Variants in LRP8 observed in about 807,000 individuals in gnomAD.
The protein encoded by LRP8 is LDL receptor related protein 8.
In LRP8, 46 loss-of-function variants were observed where a neutral mutation model predicts 111.6. That is an observed-to-expected ratio of 0.41 (90% confidence interval 0.33 to 0.53). The LOEUF is 0.53. Ranked by LOEUF, LRP8 falls within the 20% of genes least tolerant of loss-of-function variation. The pLI is 0.20. For missense variants in LRP8, 959 were observed against 1,297.4 expected (o/e 0.74, Z 4.01); for synonymous variants, 464 against 511.2 (o/e 0.91, Z 1.24).
chr1:53,298,947 C>T (rs1022446717), intron 2 of LRP8, among the ~76,000 whole-genome samples: 2 of 152,262 alleles, frequency 1.3e-5, no homozygotes, highest in Admixed American at 6.5e-5. Context: ...GCCACCAACA[C>T]GCTGTGTGAC....
Position 53,280,718 on chromosome 1 carries a change from G to A in LRP8, c.368-3C>T. The A allele has an allele frequency of 6.2e-7, 1 of 1,611,022 alleles. No homozygotes were observed. Among genetic ancestry groups the A allele is most frequent in the African/African-American group, 1.3e-5 (1 of 75,054 alleles). Reference sequence around the variant, plus strand: ...CTCTGCAGGACACACCTGCTTGGCTGTGGAGACAGACGTCCATGCATAGCT... The same window carrying A: ...CTCTGCAGGACACACCTGCTTGGCTATGGAGACAGACGTCCATGCATAGCT... On this transcript the variant is annotated splice_polypyrimidine_tract_variant and splice_region_variant and intron_variant, in intron 3 of 18. Coordinates refer to ENST00000306052, the MANE Select transcript of LRP8 (RefSeq NM_004631.5).
intron 2 of LRP8, among the ~76,000 whole-genome samples, chr1:53,320,108 C>A (rs1004162031): frequency 5.9e-5 from 9 of 152,272 alleles, no homozygotes; most frequent in African/African-American, 2.2e-4. Flanking sequence ...GGAGGTCTTG[C>A]ATGAGAAAGC....
intron 2 of LRP8, among the ~76,000 whole-genome samples, chr1:53,315,900 AG>A: frequency 6.6e-6 from 1 of 152,162 alleles, no homozygotes; most frequent in Non-Finnish European, 1.5e-5. Flanking sequence ...CACAGAGGGG[AG>A]ACATCAGCAC....
chr1:53,265,173 A>G (rs1646504408), intron 9 of LRP8, among the ~76,000 whole-genome samples: 1 of 152,188 alleles, frequency 6.6e-6, no homozygotes, highest in Non-Finnish European at 1.5e-5. Context: ...GACACTCAGG[A>G]GGCAACATTA....
At chr1:53,309,608 T>A (rs1652629718) in intron 2 of LRP8, among the ~76,000 whole-genome samples, 1 of 152,156 alleles carries the variant, frequency 6.6e-6, no homozygotes, top group African/African-American at 2.4e-5. Context: ...GGCCATGCTG[T>A]GGACCAGTGT....
rs144686830 is a variant in LRP8 at position 53,302,183 on chromosome 1, G to A, written c.245-12494C>T. Among the ~76,000 whole-genome samples, 7 of 152,250 alleles carry A rather than the reference G, an allele frequency of 4.6e-5. No homozygotes were observed. In the East Asian group the frequency reaches 1.4e-3, roughly 29 times the overall value. On this transcript the variant is annotated intron_variant, in intron 2 of 18. Coordinates refer to ENST00000306052, the MANE Select transcript of LRP8 (RefSeq NM_004631.5). ...AGTAGGGGCTGAGGAAGCCTGCCCC[G>A]AGGAACTATGTTTGATCCAGAAGGA...
At chr1:53,287,714 G>GA (rs1476259107) in intron 3 of LRP8, among the ~76,000 whole-genome samples, 1 of 152,214 alleles carries the variant, frequency 6.6e-6, no homozygotes, top group African/African-American at 2.4e-5. Flanking sequence ...CCTCAACTGT[G>GA]AAAAGCGGGC....
intron 2 of LRP8, 125 bp downstream of exon 2, chr1:53,326,748 A>T: frequency 1.4e-6 from 2 of 1,428,116 alleles, no homozygotes; most frequent in Non-Finnish European, 1.8e-6. Context: ...TCCCGGTCGC[A>T]GGCTCCGGCG....
chr1:53,286,930 C>A (rs1257242215), intron 3 of LRP8, among the ~76,000 whole-genome samples: 1 of 152,232 alleles, frequency 6.6e-6, no homozygotes. Context: ...TCTCACAATC[C>A]CTCTAAGGCA....
Position 53,327,954 on chromosome 1 carries a change from C to T in LRP8, c.-42G>A, listed in dbSNP as rs1287310323. On this transcript the variant is annotated 5_prime_UTR_variant, in exon 1 of 19. Coordinates refer to ENST00000306052, the MANE Select transcript of LRP8 (RefSeq NM_004631.5). ...CGGCCGCCGCGCCCCGCGCTCCCCG[C>T]GCCGCCGCCGCCGCGTCTCAGCCCT... The T allele has an allele frequency of 3.3e-4, 345 of 1,042,818 alleles. No individual in the cohort carries two copies. The Middle Eastern group carries it at 5.2e-3, about 16-fold the overall frequency. 64.6% of individuals were successfully genotyped at this position (1,042,818 alleles called of 1,614,324 possible).
chr1:53,320,405 T>C (rs1654354177), intron 2 of LRP8, among the ~76,000 whole-genome samples: 1 of 152,082 alleles, frequency 6.6e-6, no homozygotes, highest in Admixed American at 6.5e-5. Flanking sequence ...GACACCTGAG[T>C]TCTGAGAATG....
In LRP8 at chr1:53,289,603, ACTC is replaced by A. The variant is rs1648263765; in HGVS notation, c.328_330del (p.Glu110del). On this transcript the variant is annotated inframe_deletion, in exon 3 of 19. Transcript: ENST00000306052. ...TCGGACTCATCGGAGCCATCAGGAC[ACTC>A]CTCCTCGCCGTCACACTTCCACCGT... 1.2e-6 allele frequency: 2 copies of A among 1,609,722 alleles called. No individual in the cohort carries two copies. Among genetic ancestry groups the A allele is most frequent in the African/African-American group, 1.3e-5 (1 of 74,622 alleles).
intron 2 of LRP8, among the ~76,000 whole-genome samples, chr1:53,306,968 A>T (rs1572645423): frequency 6.6e-6 from 1 of 152,334 alleles, no homozygotes; most frequent in East Asian, 1.9e-4. Context: ...GTCACACAGC[A>T]GTCAGAGGAC....
intron 16 of LRP8, among the ~76,000 whole-genome samples, chr1:53,252,514 C>T (rs192736484): frequency 2.0e-5 from 3 of 151,760 alleles, no homozygotes; most frequent in African/African-American, 7.3e-5. Flanking sequence ...CCAGCCTGGG[C>T]AAGAGTGCAA....
intron 16 of LRP8, 73 bp downstream of exon 16, chr1:53,255,044 A>G: frequency 6.7e-7 from 1 of 1,495,050 alleles, no homozygotes; most frequent in Non-Finnish European, 9.3e-7. Context: ...CAAGTTCTCT[A>G]CCCTGCTAGC....
intron 6 of LRP8, chr1:53,272,726 C>A (rs1172227884): frequency 3.2e-6 from 4 of 1,252,572 alleles, no homozygotes; most frequent in Non-Finnish European, 4.2e-6. Context: ...AGCCTCAGAC[C>A]CTTGGAGGTG....
intron 2 of LRP8, among the ~76,000 whole-genome samples, chr1:53,312,257 C>T (rs936674628): frequency 2.6e-5 from 4 of 152,204 alleles, no homozygotes; most frequent in Non-Finnish European, 5.9e-5. Context: ...TGGCCCTATC[C>T]ACACAGCTCC....
At chr1:53,253,955 CTTTA>C (rs1367404441) in intron 16 of LRP8, among the ~76,000 whole-genome samples, 3 of 152,094 alleles carry the variant, frequency 2.0e-5, no homozygotes, top group African/African-American at 7.2e-5. Context: ...CTCTTAAAGT[CTTTA>C]TTTTTTTCTT....
Position 53,271,309 on chromosome 1 carries a change from T to C in LRP8, c.1044A>G (p.Ser348=). 6.2e-7 allele frequency: 1 copy of C among 1,613,828 alleles called. No individual in the cohort carries two copies. The highest frequency in any genetic ancestry group is 8.5e-7 in the Non-Finnish European group (1 of 1,179,966). The stretch of plus-strand genomic sequence containing the variant: ...CAATCTTGAGGTCAGTGCAGATGTG[T>C]GAGCAGCCGCCATTGTTGTGCAGAC... ...NECLHNNGGC[S]HICTDLKIGF... The change falls in exon 7 of 19, where the codon TCA becomes TCG. Residue 348 remains serine, a synonymous_variant. Coordinates refer to ENST00000306052, the MANE Select transcript of LRP8 (RefSeq NM_004631.5).
Sources: gnomAD v4.1 joint callset for allele counts (sites outside exome capture counted in the v4.1 genomes callset) on GRCh38, gnomAD v4.1.1 for gene constraint, MANE v1.5 for transcripts, NCBI Gene and HGNC (gene_info 2026-07-23, HGNC 2026-07-21) for gene names.